ZNF385D: variants seen among roughly 807,000 people sequenced by gnomAD.
ZNF385D encodes zinc finger protein 659.
Under a neutral mutation model 35.8 loss-of-function variants are expected in ZNF385D, and 15 were observed. That is an observed-to-expected ratio of 0.42 (90% CI 0.28 to 0.64). ZNF385D has a LOEUF of 0.64. Ranked by LOEUF, ZNF385D falls within the 30% of genes least tolerant of loss-of-function variation. The pLI, the probability that ZNF385D is intolerant of heterozygous loss-of-function variation, is 0.23. For synonymous variants in ZNF385D, 212 were observed against 186.8 expected, an observed-to-expected ratio of 1.13 and a Z score of -1.10; for missense variants, 474 against 494.6, an observed-to-expected ratio of 0.96 and a Z score of 0.39.
chr3:22,367,811 A>G lies in ZNF385D; in HGVS notation c.106+4639T>C, dbSNP rs572948768. On this transcript the variant is annotated intron_variant, in intron 2 of 5. Transcript: ENST00000494108. ...CTCTTCAGTAATAAAATCAGAACATATAAGATAACAAAAAAAGTTAACAGG... is the reference window on the plus strand; with the variant it reads ...CTCTTCAGTAATAAAATCAGAACATGTAAGATAACAAAAAAAGTTAACAGG... Among the ~76,000 whole-genome samples the G allele has an allele frequency of 1.1e-4, 17 of 152,280 alleles. No individual in the cohort carries two copies. The South Asian group carries it at 3.1e-3, about 28-fold the overall frequency.
At chr3:21,654,248 G>A (rs963270121) in intron 2 of ZNF385D, among the ~76,000 whole-genome samples, 9 of 151,984 alleles carry the variant, frequency 5.9e-5, no homozygotes, top group East Asian at 1.9e-4. Context: ...AGGGAAAGAC[G>A]TTCAAGAATT....
At chr3:21,649,594 A>T (rs910966368) in intron 2 of ZNF385D, among the ~76,000 whole-genome samples, 1 of 152,202 alleles carries the variant, frequency 6.6e-6, no homozygotes, top group African/African-American at 2.4e-5. Context: ...GACCCAGAAG[A>T]TATTTAAAGC....
At chr3:22,181,928 T>C (rs1695307107) in intron 2 of ZNF385D, among the ~76,000 whole-genome samples, 2 of 152,260 alleles carry the variant, frequency 1.3e-5, no homozygotes, top group South Asian at 4.2e-4. Context: ...GATCTTAGGG[T>C]AGTCTCTGGC....
intron 3 of ZNF385D, among the ~76,000 whole-genome samples, chr3:22,034,620 TA>T (rs1400936034): frequency 6.6e-6 from 1 of 152,122 alleles, no homozygotes; most frequent in East Asian, 1.9e-4. Flanking sequence ...ACAAAAGAAA[TA>T]GATGTTGGAG....
chr3:21,700,563 T>C (rs1448234062), intron 1 of ZNF385D, among the ~76,000 whole-genome samples: 1 of 152,198 alleles, frequency 6.6e-6, no homozygotes, highest in Non-Finnish European at 1.5e-5. Flanking sequence ...ACAGAAGACC[T>C]AAGTACACTC....
intron 4 of ZNF385D, among the ~76,000 whole-genome samples, chr3:21,495,974 T>C (rs962345861): frequency 1.3e-5 from 2 of 151,968 alleles, no homozygotes; most frequent in African/African-American, 4.8e-5. Flanking sequence ...CCTGGAAACA[T>C]ACAATCTTCC....
At chr3:21,588,859 C>A (rs969420307) in intron 2 of ZNF385D, among the ~76,000 whole-genome samples, 20 of 152,108 alleles carry the variant, frequency 1.3e-4, no homozygotes, top group African/African-American at 4.8e-4. Context: ...TAGGCCACTC[C>A]AACAGATCTG....
intron 3 of ZNF385D, among the ~76,000 whole-genome samples, chr3:21,938,405 G>A (rs958006871): frequency 2.0e-5 from 3 of 152,110 alleles, no homozygotes; most frequent in Non-Finnish European, 2.9e-5. Context: ...GCTGAGGCGG[G>A]CAGAGATTGG....
intron 2 of ZNF385D, among the ~76,000 whole-genome samples, chr3:21,570,086 T>TA (rs909927873): frequency 3.4e-5 from 5 of 148,624 alleles, no homozygotes; most frequent in Admixed American, 6.7e-5. Context: ...AATTACACCT[T>TA]AAAAAAAAAG....
At chr3:21,715,163 A>G (rs1233273713) in intron 1 of ZNF385D, among the ~76,000 whole-genome samples, 1 of 152,120 alleles carries the variant, frequency 6.6e-6, no homozygotes, top group Non-Finnish European at 1.5e-5. Flanking sequence ...ATCGTGGTCA[A>G]TTCAAGACTT....
At chr3:22,222,888 C>A (rs916189401) in intron 2 of ZNF385D, among the ~76,000 whole-genome samples, 5 of 152,048 alleles carry the variant, frequency 3.3e-5, no homozygotes, top group African/African-American at 9.7e-5. Context: ...ACTCGAAAGG[C>A]CTTTTTTGCT....
At chr3:21,753,850 C>G (rs1575592951), upstream of ZNF385D, among the ~76,000 whole-genome samples, 1 of 152,130 alleles carries the variant, frequency 6.6e-6, no homozygotes, top group Admixed American at 6.6e-5. Flanking sequence ...CTAATACTCT[C>G]ACCCTGCAGC....
chr3:21,544,666 ATTC>A (rs1260015238), intron 3 of ZNF385D, among the ~76,000 whole-genome samples: 2 of 152,334 alleles, frequency 1.3e-5, no homozygotes, highest in Admixed American at 6.5e-5. Context: ...ATCAGAAGGT[ATTC>A]TTAAAATGCT....
intron 2 of ZNF385D, among the ~76,000 whole-genome samples, chr3:22,254,884 C>G (rs993638386): frequency 2.0e-5 from 3 of 151,756 alleles, no homozygotes; most frequent in Non-Finnish European, 4.4e-5. Context: ...TCAGTCCTCT[C>G]TGATCACAAA....
At chr3:22,270,680 T>G (rs1701127477) in intron 2 of ZNF385D, among the ~76,000 whole-genome samples, 1 of 152,032 alleles carries the variant, frequency 6.6e-6, no homozygotes, top group South Asian at 2.1e-4. Context: ...TTGCTTTCCT[T>G]ACAGTAATAA....
intron 3 of ZNF385D, among the ~76,000 whole-genome samples, chr3:21,533,563 C>T (rs2061973238): frequency 2.0e-5 from 3 of 152,056 alleles, no homozygotes; most frequent in Admixed American, 6.5e-5. Context: ...CTCAAAATGC[C>T]AGCTGTTAGA....
At chr3:22,211,581 T>G (rs187376441) in intron 2 of ZNF385D, among the ~76,000 whole-genome samples, 32 of 152,136 alleles carry the variant, frequency 2.1e-4, no homozygotes, top group Admixed American at 7.9e-4. Context: ...CAACTGTATG[T>G]GTTCTTCCTG....
At chr3:22,110,332 T>C (rs944811120) in intron 3 of ZNF385D, among the ~76,000 whole-genome samples, 2 of 151,956 alleles carry the variant, frequency 1.3e-5, no homozygotes, top group Admixed American at 1.3e-4. Flanking sequence ...TAAAGACACA[T>C]GCACACATAT....
At chr3:21,429,492 A>G (rs1336755185) in intron 5 of ZNF385D, among the ~76,000 whole-genome samples, 1 of 152,044 alleles carries the variant, frequency 6.6e-6, no homozygotes, top group South Asian at 2.1e-4. Context: ...ATTTCCCTAT[A>G]TAATTATGTT....
Sources: gnomAD v4.1 joint callset for allele counts (sites outside exome capture counted in the v4.1 genomes callset) on GRCh38, gnomAD v4.1.1 for gene constraint, MANE v1.5 for transcripts, NCBI Gene and HGNC (gene_info 2026-07-23, HGNC 2026-07-21) for gene names.